The following DEFB118 variants were observed in gnomAD, a reference collection of about 807,000 sequenced individuals.
DEFB118 encodes defensin, beta 18.
A neutral mutation model predicts 2.8 loss-of-function variants in DEFB118; 3 were observed. The observed-to-expected ratio is 1.09, with a 90% CI of 0.50 to 2.82. The LOEUF (loss-of-function observed/expected upper bound fraction) is 2.82, where lower values mean the gene tolerates loss of function less well. Ranked by LOEUF, DEFB118 falls within the 30% of genes most tolerant of loss-of-function variation. DEFB118 has a pLI of 0.04. For synonymous variants in DEFB118, 63 were observed against 53.5 expected (o/e 1.18, Z -0.78); for missense variants, 159 against 144.6 (o/e 1.10, Z -0.51).
chr20:31,371,298 C>T (rs1285511545), intron 1 of DEFB118, among the ~76,000 whole-genome samples: 1 of 152,034 alleles, frequency 6.6e-6, no homozygotes, highest in African/African-American at 2.4e-5. Flanking sequence ...CCTTCTCAAA[C>T]CTCAAGGGAA....
chr20:31,368,634 C>G lies in DEFB118; in HGVS notation c.-17C>G. ...TTCTGAACTCCTGGATCTACCACCT[C>G]CTGCTTCCCAAGGACCATGAAACTC... On this transcript the variant is annotated 5_prime_UTR_variant, in exon 1 of 2. Coordinates refer to ENST00000253381, the MANE Select transcript of DEFB118 (RefSeq NM_054112.3). The G allele has an allele frequency of 3.1e-6, 5 of 1,613,566 alleles. No individual in the cohort carries two copies. Among genetic ancestry groups the G allele is most frequent in the Non-Finnish European group, 4.2e-6 (5 of 1,179,584 alleles).
In DEFB118 at chr20:31,373,122, G is replaced by A. The variant is rs184938163; in HGVS notation, c.324G>A (p.Ala108=). The change falls in exon 2 of 2, where the codon GCG becomes GCA. Residue 108 remains alanine, a synonymous_variant. Transcript: ENST00000253381. The part of the protein sequence containing the change: ...SKKDMVEESE[A]GRGTETSLPN... ...AAGATATGGTTGAAGAGTCTGAGGC[G>A]GGAAGGGGAACTGAGACCTCTCTTC... is the stretch of plus-strand genomic sequence containing the variant. 5.0e-6 allele frequency: 8 copies of A among 1,613,988 alleles called. No individual in the cohort carries two copies. In the East Asian group the frequency reaches 6.7e-5, roughly 13 times the overall value.
intron 1 of DEFB118, among the ~76,000 whole-genome samples, chr20:31,372,633 AC>A (rs1198597674): frequency 2.6e-5 from 4 of 152,196 alleles, no homozygotes; most frequent in African/African-American, 9.7e-5. Context: ...ATTCCTCATG[AC>A]TAAAGTTTCT....
In DEFB118 at chr20:31,373,250, A is replaced by C. The variant is rs1986248109; in HGVS notation, c.*80A>C. The C allele has an allele frequency of 7.7e-7, 1 of 1,303,152 alleles. No individual in the cohort carries two copies. Among genetic ancestry groups the C allele is most frequent in the East Asian group, 2.4e-5 (1 of 42,470 alleles). The allele number at this position is 1,303,152 out of a possible 1,614,324, so 80.7% of individuals were successfully genotyped here. On this transcript the variant is annotated 3_prime_UTR_variant, in exon 2 of 2. Coordinates refer to ENST00000253381, the MANE Select transcript of DEFB118 (RefSeq NM_054112.3). ...ACAGATAAAGCACTGAAAACACCAC[A>C]GTGACCCTCCCACCCCCCACCAATA...
chr20:31,370,658 C>T (rs1271086200), intron 1 of DEFB118, among the ~76,000 whole-genome samples: 1 of 152,222 alleles, frequency 6.6e-6, no homozygotes, highest in African/African-American at 2.4e-5. Context: ...TACCCTCTCA[C>T]CGAAAATACA....
Position 31,373,087 on chromosome 20 carries a change from A to C in DEFB118, c.289A>C (p.Ser97Arg). The change falls in exon 2 of 2, where the codon AGC becomes CGC. Residue 97 changes from serine (S) to arginine (R), a missense_variant. Ser to Arg is a moderately radical substitution (Grantham distance 110). Transcript: ENST00000253381. ...GTTCACGACAGACTACTTTGAAGTA[A>C]GCAGCAAGAAAGATATGGTTGAAGA... Reference protein sequence around the residue: ...VRFTTDYFEVSSKKDMVEESE... With the variant: ...VRFTTDYFEVRSKKDMVEESE... 6.2e-7 allele frequency: 1 copy of C among 1,614,208 alleles called. No individual in the cohort carries two copies. The highest frequency in any genetic ancestry group is 1.3e-5 in the African/African-American group (1 of 75,054).
At position 31,369,447 on chromosome 20, in the gene DEFB118, T is replaced by C. The variant is rs375037681; in HGVS notation, c.58+739T>C. On this transcript the variant is annotated intron_variant, in intron 1 of 1. Coordinates refer to ENST00000253381, the MANE Select transcript of DEFB118 (RefSeq NM_054112.3). ...ATCTGTCACCCAGGCTGGAGTGCAGTGGCGCAATCTCAGCTCACTGCAACC... is the reference window on the plus strand; with the variant it reads ...ATCTGTCACCCAGGCTGGAGTGCAGCGGCGCAATCTCAGCTCACTGCAACC... Among the ~76,000 whole-genome samples the C allele has an allele frequency of 1.5e-4, 21 of 140,550 alleles. No homozygotes were observed. In the East Asian group the frequency reaches 2.1e-3, roughly 14 times the overall value. 92.2% of individuals were successfully genotyped at this position (140,550 alleles called of 152,430 possible).
intron 1 of DEFB118, among the ~76,000 whole-genome samples, chr20:31,372,206 T>G (rs1986221231): frequency 6.6e-6 from 1 of 152,206 alleles, no homozygotes; most frequent in African/African-American, 2.4e-5. Context: ...TGCAGTAGAA[T>G]GGGATATGAC....
At chr20:31,372,005 T>C (rs1402366994) in intron 1 of DEFB118, among the ~76,000 whole-genome samples, 1 of 152,222 alleles carries the variant, frequency 6.6e-6, no homozygotes, top group Non-Finnish European at 1.5e-5. Flanking sequence ...TCCAAGTTGC[T>C]GCAAAAGACA....
chr20:31,368,860 A>G, intron 1 of DEFB118, 152 bp downstream of exon 1: 1 of 696,142 alleles, frequency 1.4e-6, no homozygotes, highest in Non-Finnish European at 2.5e-6. Context: ...CTGGGAGTAG[A>G]GCAAGTTATC....
In DEFB118 at chr20:31,372,885, C is replaced by T. The variant is rs547124947; in HGVS notation, c.87C>T (p.Asn29=). The T allele has an allele frequency of 5.0e-6, 8 of 1,614,016 alleles. No homozygotes were observed. In the African/African-American group the frequency reaches 8.0e-5, roughly 16 times the overall value. The change falls in exon 2 of 2, where the codon AAC becomes AAT. Residue 29 remains asparagine (N), a synonymous_variant. Transcript: ENST00000253381. ...ATAGTGGTGAAAAAAAATGCTGGAA[C>T]AGATCAGGGCACTGCAGGAAACAAT... The part of the protein sequence containing the change: ...PAYSGEKKCW[N]RSGHCRKQCK...
intron 1 of DEFB118, among the ~76,000 whole-genome samples, chr20:31,370,773 CAG>C (rs907397306): frequency 3.9e-5 from 6 of 152,230 alleles, no homozygotes; most frequent in Middle Eastern, 3.4e-3. Context: ...TGTTTTGAAA[CAG>C]AGTCTCGCTC....
intron 1 of DEFB118, among the ~76,000 whole-genome samples, chr20:31,372,048 T>C (rs1355872629): frequency 6.6e-6 from 1 of 152,178 alleles, no homozygotes; most frequent in Admixed American, 6.6e-5. Context: ...TGAGTAGTAA[T>C]CCATGGTGTA....
intron 1 of DEFB118, among the ~76,000 whole-genome samples, chr20:31,369,680 G>A (rs1600498575): frequency 6.6e-6 from 1 of 152,014 alleles, no homozygotes; most frequent in Admixed American, 6.5e-5. Flanking sequence ...ATGAGCCACC[G>A]CACCCGGCCC....
chr20:31,368,842 G>A, intron 1 of DEFB118, 134 bp downstream of exon 1: 1 of 803,924 alleles, frequency 1.2e-6, no homozygotes, highest in Non-Finnish European at 2.1e-6. Flanking sequence ...TCCTGGCTGG[G>A]GTAAAACCTG....
intron 1 of DEFB118, among the ~76,000 whole-genome samples, chr20:31,370,830 A>G (rs2122270323): frequency 6.6e-6 from 1 of 152,232 alleles, no homozygotes; most frequent in South Asian, 2.1e-4. Flanking sequence ...AGCTTGCTGC[A>G]ACCTCTGCCT....
chr20:31,373,215 T>C lies in DEFB118; in HGVS notation c.*45T>C, dbSNP rs755712081. On this transcript the variant is annotated 3_prime_UTR_variant, in exon 2 of 2. Transcript: ENST00000253381. ...CACCCCTGTCCTCAGAGTGATAAAC[T>C]AAGTCACATACAGATAAAGCACTGA... The C allele has an allele frequency of 3.8e-6, 6 of 1,560,564 alleles. No individual in the cohort carries two copies. In the Admixed American group the frequency reaches 1.0e-4, roughly 27 times the overall value.
At position 31,373,145 on chromosome 20, in the gene DEFB118, T is replaced by C; in HGVS notation, c.347T>C (p.Leu116Pro). ...SEAGRGTETS[L>P]PNVHHSS ...GCGGGAAGGGGAACTGAGACCTCTCTTCCAAATGTTCACCATAGCTCATGA... is the reference window on the plus strand; with the variant it reads ...GCGGGAAGGGGAACTGAGACCTCTCCTCCAAATGTTCACCATAGCTCATGA... The change falls in exon 2 of 2, where the codon CTT (leucine) becomes CCT (proline). Residue 116 changes from leucine (L) to proline (P), a missense_variant. Transcript: ENST00000253381. 6.2e-7 allele frequency: 1 copy of C among 1,613,732 alleles called. No individual in the cohort carries two copies.
In DEFB118 at chr20:31,373,195, CT is replaced by C. The variant is rs748532018; in HGVS notation, c.*26del. ...ACTTCCTCTCGGCTATCACTCACCCCTGTCCTCAGAGTGATAAACTAAGTCA... is the reference window on the plus strand; with the variant it reads ...ACTTCCTCTCGGCTATCACTCACCCCGTCCTCAGAGTGATAAACTAAGTCA... On this transcript the variant is annotated 3_prime_UTR_variant, in exon 2 of 2. Coordinates refer to ENST00000253381, the MANE Select transcript of DEFB118 (RefSeq NM_054112.3). 6.2e-7 allele frequency: 1 copy of C among 1,600,790 alleles called. No homozygotes were observed.
Sources: gnomAD v4.1 joint callset for allele counts (sites outside exome capture counted in the v4.1 genomes callset) on GRCh38, gnomAD v4.1.1 for gene constraint, MANE v1.5 for transcripts, NCBI Gene and HGNC (gene_info 2026-07-23, HGNC 2026-07-21) for gene names.